PEX14: variants seen among roughly 807,000 people sequenced by gnomAD.
PEX14 encodes the protein peroxisomal membrane protein PEX14.
Under a neutral mutation model 49.5 loss-of-function variants are expected in PEX14, and 15 were observed. That is an observed-to-expected ratio of 0.30 (90% CI 0.20 to 0.47). The LOEUF (loss-of-function observed/expected upper bound fraction) is 0.47, where lower values mean the gene tolerates loss of function less well. PEX14 is among the 20% of genes least tolerant of loss of function. PEX14 has a pLI of 1.00. For synonymous variants in PEX14, 210 were observed against 212.7 expected (o/e 0.99, Z 0.11); for missense variants, 398 against 494.8 (o/e 0.80, Z 1.86).
intron 2 of PEX14, among the ~76,000 whole-genome samples, chr1:10,500,671 T>A (rs1441050609): frequency 6.6e-6 from 1 of 152,034 alleles, no homozygotes; most frequent in African/African-American, 2.4e-5. Context: ...GTCTCCCGGG[T>A]TCAAGTGACT....
intron 3 of PEX14, among the ~76,000 whole-genome samples, chr1:10,598,702 C>T (rs1367530900): frequency 2.6e-5 from 4 of 152,162 alleles, no homozygotes; most frequent in South Asian, 2.1e-4. Flanking sequence ...CATTCTATAT[C>T]CCATTCATAC....
At chr1:10,518,725 T>C (rs140934629) in intron 2 of PEX14, among the ~76,000 whole-genome samples, 32 of 152,352 alleles carry the variant, frequency 2.1e-4, no homozygotes, top group African/African-American at 7.5e-4. Flanking sequence ...TATATATTTT[T>C]CCTTCAGTTG....
intron 2 of PEX14, chr1:10,524,526 A>G (rs781171911): frequency 3.3e-5 from 15 of 457,392 alleles, no homozygotes; most frequent in Middle Eastern, 1.1e-3. Flanking sequence ...AGTAAATTAC[A>G]TGCTCATCTG....
intron 3 of PEX14, among the ~76,000 whole-genome samples, chr1:10,572,898 C>T (rs115124353): frequency 0.01 from 1,583 of 152,218 alleles, 31 homozygotes; most frequent in African/African-American, 0.036. Flanking sequence ...ATAGACTGTA[C>T]CTACACAGAC....
At chr1:10,496,179 C>T (rs548883877) in intron 2 of PEX14, among the ~76,000 whole-genome samples, 2 of 152,186 alleles carry the variant, frequency 1.3e-5, no homozygotes, top group South Asian at 4.2e-4. Flanking sequence ...CCAGTGTGTA[C>T]GAAGGCTTTC....
chr1:10,552,441 CAA>C (rs375330435), intron 3 of PEX14, among the ~76,000 whole-genome samples: 4 of 149,592 alleles, frequency 2.7e-5, no homozygotes, highest in African/African-American at 9.8e-5. Flanking sequence ...GACTCCGTCT[CAA>C]AAAAAAAATC....
chr1:10,508,958 A>ACGGAGTCT (rs1641837179), intron 2 of PEX14, among the ~76,000 whole-genome samples: 1 of 148,652 alleles, frequency 6.7e-6, no homozygotes, highest in African/African-American at 2.5e-5. Context: ...TTTTTTTGAG[A>ACGGAGTCT]CGGAGTCTCG....
chr1:10,577,212 C>T (rs1570294273), intron 3 of PEX14, among the ~76,000 whole-genome samples: 2 of 151,560 alleles, frequency 1.3e-5, no homozygotes, highest in South Asian at 4.2e-4. Flanking sequence ...GCCTGGCCAA[C>T]ATGGCGAAAC....
At chr1:10,524,118 C>T (rs949058612) in intron 2 of PEX14, among the ~76,000 whole-genome samples, 8 of 152,076 alleles carry the variant, frequency 5.3e-5, no homozygotes, top group Non-Finnish European at 5.9e-5. Flanking sequence ...GACATCACTG[C>T]GTTTTTGCTT....
chr1:10,495,820 G>A lies in PEX14; in HGVS notation c.84+499G>A, dbSNP rs574326294. Among the ~76,000 whole-genome samples the A allele has an allele frequency of 1.6e-4, 24 of 152,192 alleles. No homozygotes were observed. The highest frequency in any genetic ancestry group is 3.1e-4 in the Non-Finnish European group (21 of 68,032). ...TATGGATAGGGAAGAGGCCTATTAA[G>A]CACTGCAGGTAATTTTCTCTCCCAA... On this transcript the variant is annotated intron_variant, in intron 2 of 8. Transcript: ENST00000356607. The surrounding 1 kb of genome is among the most constrained non-coding windows in gnomAD (Gnocchi z 4.2).
intron 3 of PEX14, among the ~76,000 whole-genome samples, chr1:10,559,883 T>C (rs981491006): frequency 6.6e-6 from 1 of 152,066 alleles, no homozygotes; most frequent in Non-Finnish European, 1.5e-5. Context: ...GCTGAGTTCT[T>C]GCGTTTTCAG....
intron 1 of PEX14, among the ~76,000 whole-genome samples, chr1:10,492,245 AAGAGCAG>A (rs1393001919): frequency 6.6e-6 from 1 of 152,200 alleles, no homozygotes; most frequent in Non-Finnish European, 1.5e-5. Context: ...AACTAATTTT[AAGAGCAG>A]TTCCTTGGTG....
At chr1:10,532,575 A>C (rs1329052689) in intron 2 of PEX14, among the ~76,000 whole-genome samples, 1 of 152,232 alleles carries the variant, frequency 6.6e-6, no homozygotes, top group Non-Finnish European at 1.5e-5. Context: ...CGACGGCGGC[A>C]TCAGCAGCTT....
intron 2 of PEX14, among the ~76,000 whole-genome samples, chr1:10,521,125 G>C (rs1638279912): frequency 6.7e-6 from 1 of 150,276 alleles, no homozygotes; most frequent in African/African-American, 2.4e-5. Context: ...TTTTCTTCTA[G>C]TGGATAAGAT....
chr1:10,513,629 T>C (rs79673418), intron 2 of PEX14, among the ~76,000 whole-genome samples: 2,074 of 152,224 alleles, frequency 0.014, 44 homozygotes, highest in African/African-American at 0.047. Flanking sequence ...AACAGAAGGA[T>C]CATTTAGTGC....
intron 1 of PEX14, among the ~76,000 whole-genome samples, chr1:10,481,001 A>G (rs1267253265): frequency 6.6e-6 from 1 of 152,072 alleles, no homozygotes; most frequent in Non-Finnish European, 1.5e-5. Context: ...CACACAAGAA[A>G]TTTAAGTGTT....
intron 4 of PEX14, among the ~76,000 whole-genome samples, chr1:10,614,690 A>C (rs1392830755): frequency 6.6e-6 from 1 of 152,176 alleles, no homozygotes; most frequent in Non-Finnish European, 1.5e-5. Flanking sequence ...CTGAGAAATC[A>C]GTGGTGAATA....
chr1:10,606,931 T>C (rs1171922352), intron 4 of PEX14, among the ~76,000 whole-genome samples: 2 of 152,356 alleles, frequency 1.3e-5, no homozygotes, highest in East Asian at 3.9e-4. Context: ...AATTTGAGTT[T>C]TGATAAGTGT....
At chr1:10,535,775 A>ACGTG in intron 2 of PEX14, 1 of 243,292 alleles carries the variant, frequency 4.1e-6, no homozygotes, top group East Asian at 1.1e-4. Flanking sequence ...CTGATAGAGA[A>ACGTG]CGTGTGTGTG....
Sources: gnomAD v4.1 joint callset for allele counts (sites outside exome capture counted in the v4.1 genomes callset) on GRCh38, gnomAD v4.1.1 for gene constraint, Gnocchi (gnomAD v3.1) non-coding constraint, MANE v1.5 for transcripts, NCBI Gene and HGNC (gene_info 2026-07-23, HGNC 2026-07-21) for gene names.